The following MAGT1 variants were observed in gnomAD, a reference collection of about 807,000 sequenced individuals.
MAGT1 encodes magnesium transporter 1.
MAGT1 carries 4 observed loss-of-function variants against 28.4 expected under a neutral mutation model. The observed-to-expected ratio is 0.14, with a 90% CI of 0.07 to 0.32. The LOEUF (loss-of-function observed/expected upper bound fraction) is 0.32, where lower values mean the gene tolerates loss of function less well. MAGT1 is among the 10% of genes least tolerant of loss of function. The pLI, the probability that MAGT1 is intolerant of heterozygous loss-of-function variation, is 1.00. For synonymous variants in MAGT1, 89 were observed against 89.7 expected (o/e 0.99, Z 0.04); for missense variants, 193 against 264.5 (o/e 0.73, Z 1.88).
intron 1 of MAGT1, among the ~76,000 whole-genome samples, chrX:77,887,813 T>C (rs1273785788): frequency 8.9e-6 from 1 of 112,274 alleles, no homozygotes; most frequent in Non-Finnish European, 1.9e-5. Context: ...CTTTTCCCGC[T>C]AATAGTTTTT....
chrX:77,851,907 C>T (rs782687529), intron 7 of MAGT1, among the ~76,000 whole-genome samples: 1 of 110,112 alleles, frequency 9.1e-6, no homozygotes, highest in South Asian at 3.9e-4. Flanking sequence ...GCCCCGCCGC[C>T]CGCCCCCTGA....
intron 3 of MAGT1, among the ~76,000 whole-genome samples, 167 bp downstream of exon 3, chrX:77,870,641 T>A (rs180761434): frequency 8.9e-6 from 1 of 112,056 alleles, no homozygotes; most frequent in Non-Finnish European, 1.9e-5. Context: ...TAGGTTAGCA[T>A]TGATAACTAC....
intron 7 of MAGT1, among the ~76,000 whole-genome samples, chrX:77,852,994 C>T (rs1557215658): frequency 8.9e-6 from 1 of 111,944 alleles, no homozygotes; most frequent in East Asian, 2.8e-4. Context: ...AGAGTCAGTG[C>T]TTATGTACTC....
intron 1 of MAGT1, among the ~76,000 whole-genome samples, chrX:77,886,985 T>C (rs1287749947): frequency 2.7e-5 from 3 of 112,272 alleles, no homozygotes. Context: ...ATATTCTACT[T>C]AACTCAAATA....
intron 8 of MAGT1, among the ~76,000 whole-genome samples, 192 bp from the exon 9 acceptor site, chrX:77,831,087 G>A (rs1454275141): frequency 7.3e-5 from 8 of 110,093 alleles, no homozygotes; most frequent in South Asian, 3.8e-4. Context: ...GCGCGATCTC[G>A]GCTCACTGCA....
At chrX:77,852,610 G>C (rs1195495192) in intron 7 of MAGT1, among the ~76,000 whole-genome samples, 1 of 108,380 alleles carries the variant, frequency 9.2e-6, no homozygotes, top group African/African-American at 3.4e-5. Flanking sequence ...TTTTTTATTA[G>C]AGACAGGGTC....
chrX:77,859,664 C>G (rs782510557), intron 3 of MAGT1, among the ~76,000 whole-genome samples: 1 of 111,592 alleles, frequency 9.0e-6, no homozygotes, highest in Non-Finnish European at 1.9e-5. Flanking sequence ...GTCAGGAGCT[C>G]GAGACCAGCT....
At chrX:77,865,411 T>A (rs2077005944) in intron 3 of MAGT1, among the ~76,000 whole-genome samples, 1 of 110,349 alleles carries the variant, frequency 9.1e-6, no homozygotes, top group Non-Finnish European at 1.9e-5. Flanking sequence ...TGCCTCAGCC[T>A]CCCGAGTAGC....
In MAGT1 at chrX:77,826,919, C is replaced by G. The variant is rs1227839648; in HGVS notation, c.*2301G>C. ...TTAAAAAGTAAAAGGTCAACCATATCCCCTCATCCATGAAATCTAGTAACG... is the reference window on the plus strand; with the variant it reads ...TTAAAAAGTAAAAGGTCAACCATATGCCCTCATCCATGAAATCTAGTAACG... On this transcript the variant is annotated 3_prime_UTR_variant, in exon 10 of 10. Transcript: ENST00000618282. The G allele has an allele frequency of 9.0e-6, 1 of 111,546 alleles. No individual in the cohort carries two copies. Among genetic ancestry groups the G allele is most frequent in the Non-Finnish European group, 1.9e-5 (1 of 53,119 alleles). The allele number at this position is 111,546 out of a possible 1,213,427, so 9.2% of individuals were successfully genotyped here. A position where few individuals can be genotyped will look rare whatever the true frequency, so the allele number is the denominator to read the frequency against.
chrX:77,883,071 ATATAAT>A lies in MAGT1; in HGVS notation c.103-7480_103-7475del, dbSNP rs2077057408. ...TATATTATATTAATATAATAATATA[ATATAAT>A]TATAATATGTATTATATTAATATAA... On this transcript the variant is annotated intron_variant, in intron 1 of 9. Coordinates refer to ENST00000618282, the MANE Select transcript of MAGT1 (RefSeq NM_001367916.1). Among the ~76,000 whole-genome samples the A allele has an allele frequency of 3.0e-5, 3 of 101,069 alleles. No individual in the cohort carries two copies. The South Asian group carries it at 1.2e-3, about 39-fold the overall frequency. The allele number at this position is 101,069 out of a possible 115,157, so 87.8% of individuals were successfully genotyped here. A position where few individuals can be genotyped will look rare whatever the true frequency, so the allele number is the denominator to read the frequency against.
At chrX:77,878,652 G>A (rs1187394890) in intron 1 of MAGT1, among the ~76,000 whole-genome samples, 1 of 106,892 alleles carries the variant, frequency 9.4e-6, no homozygotes, top group Non-Finnish European at 1.9e-5. Context: ...AGCTGGGTGT[G>A]TTGGCGGGTG....
chrX:77,879,835 C>CTT (rs536579134), intron 1 of MAGT1, among the ~76,000 whole-genome samples: 1,024 of 73,137 alleles, frequency 0.014, 36 homozygotes, highest in African/African-American at 0.021. Flanking sequence ...CATGATTTGC[C>CTT]TTTTTTTTTT....
At chrX:77,845,146 T>G (rs1409145529) in intron 7 of MAGT1, among the ~76,000 whole-genome samples, 7 of 111,833 alleles carry the variant, frequency 6.3e-5, no homozygotes, top group East Asian at 2.8e-4. Flanking sequence ...GGTGCATATA[T>G]ATTTAGGATA....
At chrX:77,881,592 A>G (rs1557218459) in intron 1 of MAGT1, among the ~76,000 whole-genome samples, 1 of 109,934 alleles carries the variant, frequency 9.1e-6, no homozygotes, top group African/African-American at 3.3e-5. Flanking sequence ...AAGGACATGA[A>G]CTCATCATTT....
At chrX:77,838,757 C>T (rs1478564729) in intron 8 of MAGT1, among the ~76,000 whole-genome samples, 2 of 88,549 alleles carry the variant, frequency 2.3e-5, no homozygotes, top group African/African-American at 8.3e-5. Flanking sequence ...GACTCCGTCT[C>T]GAAAAAAAAA....
At position 77,829,100 on chromosome X, in the gene MAGT1, A is replaced by T; in HGVS notation, c.*120T>A. The T allele has an allele frequency of 1.7e-6, 1 of 593,084 alleles. No homozygotes were observed. The highest frequency in any genetic ancestry group is 2.8e-6 in the Non-Finnish European group (1 of 351,132). The allele number at this position is 593,084 out of a possible 1,213,427, so 48.9% of individuals were successfully genotyped here. ...TCTTTGGTTAAATGATTAACTATTTAAATCACTTGAAAAAAAGAGGTAATA... is the reference window on the plus strand; with the variant it reads ...TCTTTGGTTAAATGATTAACTATTTTAATCACTTGAAAAAAAGAGGTAATA... On this transcript the variant is annotated 3_prime_UTR_variant, in exon 10 of 10. Transcript: ENST00000618282.
chrX:77,838,728 A>C (rs2076926704), intron 8 of MAGT1, among the ~76,000 whole-genome samples: 1 of 105,679 alleles, frequency 9.5e-6, no homozygotes, highest in African/African-American at 3.5e-5. Context: ...ACTGCACTCC[A>C]GTCTGGGAGA....
intron 8 of MAGT1, among the ~76,000 whole-genome samples, chrX:77,838,560 C>A (rs1315746275): frequency 3.6e-5 from 4 of 110,011 alleles, no homozygotes; most frequent in African/African-American, 1.3e-4. Context: ...GAGTTCGAGA[C>A]CAGCCTGGCC....
chrX:77,855,625 C>T (rs782292642), intron 5 of MAGT1, 35 bp from the exon 6 acceptor site: 1 of 1,021,340 alleles, frequency 9.8e-7, no homozygotes, highest in Non-Finnish European at 1.4e-6. Context: ...TATTCATGGT[C>T]AAACTGTTCT....
Sources: allele counts gnomAD v4.1 joint callset (sites outside exome capture counted in the v4.1 genomes callset), GRCh38; gene constraint gnomAD v4.1.1; transcripts MANE v1.5; gene names NCBI Gene and HGNC (gene_info 2026-07-23, HGNC 2026-07-21).